Variants in RELN observed in about 807,000 individuals in gnomAD.
RELN encodes reelin.
RELN carries 108 observed loss-of-function variants against 427.6 expected under a neutral mutation model. The observed-to-expected ratio is 0.25, with a 90% CI of 0.22 to 0.30. RELN has a LOEUF of 0.30. Among genes scored for constraint, RELN ranks in the 10% least tolerant of loss-of-function variants. The pLI is 1.00. For missense variants in RELN, 3,715 were observed against 4,302.8 expected (o/e 0.86, Z 3.82); for synonymous variants, 1,524 against 1,513.4 (o/e 1.01, Z -0.16).
chr7:103,479,387 G>T (rs1828149046), intron 63 of RELN, among the ~76,000 whole-genome samples: 1 of 152,166 alleles, frequency 6.6e-6, no homozygotes, highest in African/African-American at 2.4e-5. Flanking sequence ...GATTGTCAAT[G>T]ATCGTGTTAT....
intron 1 of RELN, among the ~76,000 whole-genome samples, chr7:103,950,548 TATGCAAATATATAAACTTAAGATAAA>T: frequency 6.6e-6 from 1 of 152,320 alleles, no homozygotes; most frequent in East Asian, 1.9e-4. Flanking sequence ...TGCCCATATT[TATGCAAATATATAAACTTAAGATAAA>T]TACCAAACAC....
chr7:103,902,019 T>C (rs1041657153), intron 2 of RELN, among the ~76,000 whole-genome samples: 1 of 152,082 alleles, frequency 6.6e-6, no homozygotes, highest in Non-Finnish European at 1.5e-5. Flanking sequence ...AGCACTAATG[T>C]TTGCAACAGC....
At chr7:103,757,368 C>T (rs1304707933) in intron 4 of RELN, among the ~76,000 whole-genome samples, 1 of 152,112 alleles carries the variant, frequency 6.6e-6, no homozygotes, top group Admixed American at 6.6e-5. Context: ...TTCTAGATTG[C>T]TCGTATGTTT....
chr7:103,814,093 C>A (rs1229365220), intron 3 of RELN, among the ~76,000 whole-genome samples: 2 of 152,092 alleles, frequency 1.3e-5, no homozygotes, highest in Non-Finnish European at 2.9e-5. Flanking sequence ...TCAGGATAAG[C>A]CTGAGCTGCA....
chr7:103,586,017 T>A (rs919365598), intron 28 of RELN, among the ~76,000 whole-genome samples: 5 of 152,152 alleles, frequency 3.3e-5, no homozygotes, highest in Non-Finnish European at 7.3e-5. Context: ...ATTCATGATG[T>A]TGATACGATA....
intron 6 of RELN, among the ~76,000 whole-genome samples, chr7:103,741,741 C>A (rs1037839491): frequency 2.0e-5 from 3 of 151,840 alleles, no homozygotes; most frequent in African/African-American, 7.3e-5. Flanking sequence ...GTATTGAGCA[C>A]CTAGAATACA....
chr7:103,959,481 T>G (rs1796503478), intron 1 of RELN, among the ~76,000 whole-genome samples: 1 of 152,202 alleles, frequency 6.6e-6, no homozygotes, highest in Non-Finnish European at 1.5e-5. Context: ...TGTTCAAAAC[T>G]GAGCTCCTAT....
In RELN at chr7:103,483,622, G is replaced by A. The variant is rs755978001; in HGVS notation, c.10181+31C>T. On this transcript the variant is annotated intron_variant, in intron 62 of 64. Transcript: ENST00000428762. ...AGGGATTCACAAAGGGATTGTGCAT[G>A]AGACCATGCCTTTCCATTTGGGCCA... 2.5e-6 allele frequency: 4 copies of A among 1,606,298 alleles called. No individual in the cohort carries two copies. The Admixed American group carries it at 5.0e-5, about 20-fold the overall frequency.
rs74460521 is a variant in RELN, at chr7:103,653,970, G to A, written c.1554+123C>T. 5.9e-3 allele frequency: 4,139 copies of A among 706,150 alleles called. 130 individuals are homozygous for A. The African/African-American group carries it at 0.065, about 11-fold the overall frequency. 43.7% of individuals were successfully genotyped at this position (706,150 alleles called of 1,614,324 possible). A position where few individuals can be genotyped will look rare whatever the true frequency, so the allele number is the denominator to read the frequency against. On this transcript the variant is annotated intron_variant, in intron 13 of 64. Transcript: ENST00000428762. ...TATTTCACTTTTAAAGAAACCTGGC[G>A]ACCTCTGGCCTGTCAGAACAGGGAT...
chr7:103,938,892 T>C (rs534220923), intron 1 of RELN, among the ~76,000 whole-genome samples: 1 of 152,286 alleles, frequency 6.6e-6, no homozygotes, highest in South Asian at 2.1e-4. Context: ...ATTTCATTAC[T>C]TTCCCAAATT....
intron 1 of RELN, among the ~76,000 whole-genome samples, chr7:103,928,838 A>ATG (rs10674677): frequency 0.53 from 80,143 of 151,878 alleles, 21,770 homozygotes; most frequent in East Asian, 0.74. Context: ...CTAAAGAGCA[A>ATG]TCACAGCCCT....
At chr7:103,524,761 TA>T (rs1431653229) in intron 46 of RELN, among the ~76,000 whole-genome samples, 3 of 152,196 alleles carry the variant, frequency 2.0e-5, no homozygotes, top group Non-Finnish European at 4.4e-5. Context: ...AGACTAGAAC[TA>T]AAATCTTCAC....
intron 6 of RELN, among the ~76,000 whole-genome samples, chr7:103,743,508 CA>C (rs1260436352): frequency 4.4e-4 from 67 of 152,148 alleles, no homozygotes; most frequent in African/African-American, 1.6e-3. Flanking sequence ...GTGCTGTATT[CA>C]GGAAACCCAT....
At chr7:103,780,927 T>A (rs941861124) in intron 3 of RELN, among the ~76,000 whole-genome samples, 1 of 152,184 alleles carries the variant, frequency 6.6e-6, no homozygotes, top group Non-Finnish European at 1.5e-5. Flanking sequence ...TGGATGACGT[T>A]CTCAGCCATG....
intron 60 of RELN, 114 bp downstream of exon 60, chr7:103,489,628 C>A: frequency 8.2e-7 from 1 of 1,223,028 alleles, no homozygotes; most frequent in African/African-American, 1.5e-5. Flanking sequence ...TCATGAATCT[C>A]AGATCCCTCA....
chr7:103,678,055 G>C (rs1254971286), intron 11 of RELN, among the ~76,000 whole-genome samples: 4 of 152,050 alleles, frequency 2.6e-5, no homozygotes, highest in Non-Finnish European at 5.9e-5. Flanking sequence ...CGGGCAGGTG[G>C]GGAAGACTAC....
rs764699757 is a variant in RELN, at chr7:103,630,113, T to C, written c.2529A>G (p.Gln843=). ...CTTCTCTCTGGGAAGAATGATACGG[T>C]TGCCACCATCTGAACTGAATTCCAA... The part of the protein sequence containing the change: ...KQFGIQFRWW[Q]PYHSSQREDV... Residue 843 remains glutamine (Q), a synonymous_variant, in exon 20 of 65, where the codon CAA becomes CAG. Coordinates refer to ENST00000428762, the MANE Select transcript of RELN (RefSeq NM_005045.4). 1.9e-6 allele frequency: 3 copies of C among 1,613,812 alleles called. No individual in the cohort carries two copies. Among genetic ancestry groups the C allele is most frequent in the African/African-American group, 1.3e-5 (1 of 75,022 alleles).
chr7:103,902,621 C>G (rs1795107936), intron 2 of RELN, among the ~76,000 whole-genome samples: 1 of 152,066 alleles, frequency 6.6e-6, no homozygotes, highest in Admixed American at 6.6e-5. Context: ...CCCACACTAA[C>G]AAGTATCTTT....
intron 1 of RELN, among the ~76,000 whole-genome samples, chr7:103,976,389 A>C (rs983684758): frequency 6.7e-6 from 1 of 149,442 alleles, no homozygotes; most frequent in African/African-American, 2.5e-5. Context: ...ACTAGAATGA[A>C]AGTGAGCAAG....
Sources: gnomAD v4.1 joint callset for allele counts (sites outside exome capture counted in the v4.1 genomes callset) on GRCh38, gnomAD v4.1.1 for gene constraint, MANE v1.5 for transcripts, NCBI Gene and HGNC (gene_info 2026-07-23, HGNC 2026-07-21) for gene names.